The following SOCS2 variants were observed in gnomAD, a reference collection of about 807,000 sequenced individuals.
The protein encoded by SOCS2 is CIS-2.
In SOCS2, 10 loss-of-function variants were observed where a neutral mutation model predicts 18.6. The ratio of observed to expected loss-of-function variants is 0.54; its 90% confidence interval spans 0.33 to 0.91. The LOEUF (loss-of-function observed/expected upper bound fraction) is 0.91, where lower values mean the gene tolerates loss of function less well. Ranked by LOEUF, SOCS2 falls within the 40% of genes least tolerant of loss-of-function variation. SOCS2 has a pLI of 0.02. For missense variants in SOCS2, 231 were observed against 247.2 expected, an observed-to-expected ratio of 0.93 and a Z score of 0.44; for synonymous variants, 104 against 104.0, an observed-to-expected ratio of 1.00 and a Z score of 0.00.
the SOCS2 span, among the ~76,000 whole-genome samples, chr12:93,625,679 C>T: frequency 2.2e-5 from 3 of 137,226 alleles, no homozygotes; most frequent in East Asian, 2.3e-4. Flanking sequence ...ACCTGGGAGG[C>T]GGAGGTTGCA....
At position 93,575,109 on chromosome 12, in the gene SOCS2, G is replaced by C. The variant is rs758285458; in HGVS notation, c.527G>C (p.Gly176Ala). 2 of 1,608,424 alleles carry C rather than the reference G, an allele frequency of 1.2e-6. No homozygotes were observed. The highest frequency in any genetic ancestry group is 2.2e-5 in the South Asian group (2 of 89,456). The change falls in exon 2 of 2, where the codon GGT becomes GCT. Residue 176 changes from glycine to alanine, a missense_variant. By Grantham distance (60) the Gly-to-Ala change is moderately conservative. Around this residue, in one of 3 missense-constraint regions of SOCS2, gnomAD observed 122 missense variants for 127.2 expected, o/e 0.96. Coordinates refer to ENST00000551556, the MANE Select transcript of SOCS2 (RefSeq NM_001270471.2). ...AGGCTCACCATTAACAAATGTACCG[G>C]TGCCATCTGGGGACTGCCTTTACCA... ...LCRLTINKCT[G>A]AIWGLPLPTR...
Position 93,575,322 on chromosome 12 carries a change from A to C in SOCS2, c.*143A>C, listed in dbSNP as rs1364475470. On this transcript the variant is annotated 3_prime_UTR_variant, in exon 2 of 2. Transcript: ENST00000551556. The stretch of plus-strand genomic sequence containing the variant: ...GAAGCTAATCTAATTTAAATTTAAC[A>C]GCTTGAAGAGGTAGCTAGGTGTTTA... 6 of 557,710 alleles carry C rather than the reference A, an allele frequency of 1.1e-5. No individual in the cohort carries two copies. The Admixed American group carries it at 1.1e-4, about 10-fold the overall frequency. 34.5% of individuals were successfully genotyped at this position (557,710 alleles called of 1,614,324 possible).
the SOCS2 span, among the ~76,000 whole-genome samples, chr12:93,614,408 T>TCC: frequency 1.7e-5 from 2 of 117,330 alleles, no homozygotes; most frequent in East Asian, 2.3e-4. Flanking sequence ...TTTCTTTCTT[T>TCC]CTTTCTTTCT....
At chr12:93,613,872 G>T in the SOCS2 span, among the ~76,000 whole-genome samples, 3 of 152,054 alleles carry the variant, frequency 2.0e-5, no homozygotes, top group African/African-American at 7.3e-5. Context: ...TACTACTATA[G>T]CGTGTCAATA....
the SOCS2 span, among the ~76,000 whole-genome samples, chr12:93,602,161 C>T: frequency 6.6e-6 from 1 of 152,202 alleles, no homozygotes; most frequent in African/African-American, 2.4e-5. Context: ...GGCGCGATCA[C>T]AGCTGCCTGA....
chr12:93,571,912 G>A (rs933897861), upstream of SOCS2: 4 of 430,210 alleles, frequency 9.3e-6, no homozygotes, highest in South Asian at 1.6e-5. Context: ...GGCCGAGGTC[G>A]AGGTAAGAGC....
At chr12:93,620,429 T>C in the SOCS2 span, among the ~76,000 whole-genome samples, 1 of 151,542 alleles carries the variant, frequency 6.6e-6, no homozygotes, top group African/African-American at 2.4e-5. Context: ...TCTCTTTTTT[T>C]TTTGAGATGG....
At chr12:93,622,126 G>A in the SOCS2 span, among the ~76,000 whole-genome samples, 4 of 152,120 alleles carry the variant, frequency 2.6e-5, no homozygotes, top group Non-Finnish European at 5.9e-5. Flanking sequence ...AAACTCTGGA[G>A]TTTTATACAA....
upstream of SOCS2, chr12:93,570,989 C>G (rs371104922): frequency 6.5e-6 from 1 of 153,924 alleles, no homozygotes; most frequent in East Asian, 1.9e-4. Context: ...GCAAGGGAGG[C>G]GCGTCGGTCT....
chr12:93,604,812 C>T, the SOCS2 span, among the ~76,000 whole-genome samples: 5 of 151,974 alleles, frequency 3.3e-5, no homozygotes, highest in East Asian at 7.9e-4. Flanking sequence ...GTGCACGGCC[C>T]CACACCTGGC....
the SOCS2 span, among the ~76,000 whole-genome samples, chr12:93,614,568 T>C: frequency 5.9e-5 from 4 of 67,704 alleles, no homozygotes; most frequent in African/African-American, 1.6e-4. Flanking sequence ...TCTTTCTTTC[T>C]TTCTTTCTTT....
chr12:93,604,682 C>T, the SOCS2 span, among the ~76,000 whole-genome samples: 1 of 151,888 alleles, frequency 6.6e-6, no homozygotes, highest in African/African-American at 2.4e-5. Context: ...TTTTTTGAGA[C>T]AGGGTTTCGT....
At position 93,576,649 on chromosome 12, in the gene SOCS2, C is replaced by T. The variant is rs1176452495; in HGVS notation, c.*1470C>T. 1.3e-5 allele frequency: 2 copies of T among 152,204 alleles called. No homozygotes were observed. The highest frequency in any genetic ancestry group is 4.8e-5 in the African/African-American group (2 of 41,442). 9.4% of individuals were successfully genotyped at this position (152,204 alleles called of 1,614,324 possible). A position where few individuals can be genotyped will look rare whatever the true frequency, so the allele number is the denominator to read the frequency against. On this transcript the variant is annotated 3_prime_UTR_variant, in exon 2 of 2. Coordinates refer to ENST00000551556, the MANE Select transcript of SOCS2 (RefSeq NM_001270471.2). ...TTTATTTTATGGCTTTAAAATTTTC[C>T]TGCATAGCTACAATCCTGTGGTGTG...
chr12:93,590,783 CAAAAAAAAA>C, the SOCS2 span, among the ~76,000 whole-genome samples: 10 of 38,948 alleles, frequency 2.6e-4, no homozygotes, highest in South Asian at 1.2e-3. Flanking sequence ...GACTCCGCCT[CAAAAAAAAA>C]AAAAAAAAAA....
downstream of SOCS2, among the ~76,000 whole-genome samples, chr12:93,588,358 G>A (rs1954596770): frequency 6.6e-6 from 1 of 152,136 alleles, no homozygotes; most frequent in Non-Finnish European, 1.5e-5. Context: ...ATATAACTGT[G>A]TGACAAATAT....
the SOCS2 span, among the ~76,000 whole-genome samples, chr12:93,625,830 T>G: frequency 1.3e-5 from 2 of 152,120 alleles, no homozygotes; most frequent in African/African-American, 4.8e-5. Flanking sequence ...ACTGCTCTCT[T>G]AGCACATTGT....
the SOCS2 span, among the ~76,000 whole-genome samples, chr12:93,620,985 G>T: frequency 6.6e-6 from 1 of 152,114 alleles, no homozygotes; most frequent in African/African-American, 2.4e-5. Context: ...CACTACTTGG[G>T]AGCCCAGGTG....
At chr12:93,619,150 T>C in the SOCS2 span, among the ~76,000 whole-genome samples, 1 of 152,138 alleles carries the variant, frequency 6.6e-6, no homozygotes, top group East Asian at 1.9e-4. Flanking sequence ...TGTTTGGAGA[T>C]GGTAAGAGCG....
chr12:93,573,100 A>G, intron 1 of SOCS2, 64 bp downstream of exon 1: 3 of 1,532,186 alleles, frequency 2.0e-6, no homozygotes, highest in Non-Finnish European at 2.6e-6. Context: ...GCAGCTAGGA[A>G]GCGGGGTCGA....
Sources: allele counts gnomAD v4.1 joint callset (sites outside exome capture counted in the v4.1 genomes callset), GRCh38; gene constraint gnomAD v4.1.1; regional missense constraint gnomAD v4.1.1; transcripts MANE v1.5; gene names NCBI Gene and HGNC (gene_info 2026-07-23, HGNC 2026-07-21).